The following AFAP1 variants were observed in gnomAD, a reference collection of about 807,000 sequenced individuals.
The protein encoded by AFAP1 is actin filament-associated protein 1.
In AFAP1, 75 loss-of-function variants were observed where a neutral mutation model predicts 93.9. That is an observed-to-expected ratio of 0.80 (90% CI 0.66 to 0.97). The LOEUF is 0.97. Among genes scored for constraint, AFAP1 ranks in the 50% least tolerant of loss-of-function variants. The pLI is 0.00. For synonymous variants in AFAP1, 517 were observed against 430.7 expected (o/e 1.20, Z -2.48); for missense variants, 1,201 against 1,050.8 (o/e 1.14, Z -1.98).
chr4:7,774,788 C>T lies in AFAP1; in HGVS notation c.2013G>A (p.Gln671=), dbSNP rs373406933. The part of the protein sequence containing the change: ...RKEALRNRLA[Q]LRKERKDLRA... ...GAAGGTCTTTTCTTTCCTTGCGGAGCTGGGCCAGCCTATTCCGCAGGGCCT... is the reference window on the plus strand; with the variant it reads ...GAAGGTCTTTTCTTTCCTTGCGGAGTTGGGCCAGCCTATTCCGCAGGGCCT... Residue 671 remains glutamine (Q), a synonymous_variant, in exon 15 of 18, where the codon CAG becomes CAA. Coordinates refer to ENST00000420658, the MANE Select transcript of AFAP1 (RefSeq NM_001134647.2). 1.3e-5 allele frequency: 21 copies of T among 1,614,244 alleles called. No individual in the cohort carries two copies. In the South Asian group the frequency reaches 2.2e-4, roughly 17 times the overall value.
chr4:7,771,719 G>A (rs1049291922), intron 16 of AFAP1, among the ~76,000 whole-genome samples: 4 of 152,184 alleles, frequency 2.6e-5, no homozygotes, highest in Non-Finnish European at 5.9e-5. Flanking sequence ...TTGAACACCT[G>A]AAAGAACCAT....
chr4:7,926,674 G>A (rs1266480455), intron 1 of AFAP1, among the ~76,000 whole-genome samples: 1 of 152,138 alleles, frequency 6.6e-6, no homozygotes, highest in Non-Finnish European at 1.5e-5. Flanking sequence ...AGTGGCCAAG[G>A]TCCTATGGCT....
At chr4:7,866,573 G>C (rs1716422329) in intron 3 of AFAP1, among the ~76,000 whole-genome samples, 1 of 152,124 alleles carries the variant, frequency 6.6e-6, no homozygotes, top group African/African-American at 2.4e-5. Flanking sequence ...TGAAATATAA[G>C]ACCCATCACA....
chr4:7,846,419 C>T (rs951886508), intron 4 of AFAP1, among the ~76,000 whole-genome samples: 4 of 152,176 alleles, frequency 2.6e-5, no homozygotes, highest in East Asian at 1.9e-4. Flanking sequence ...CCGCAGATCG[C>T]GTGCTGTGCT....
intron 6 of AFAP1, among the ~76,000 whole-genome samples, chr4:7,834,044 C>CCAA (rs1711959873): frequency 6.7e-6 from 1 of 150,350 alleles, no homozygotes; most frequent in Admixed American, 6.7e-5. Flanking sequence ...AAATGTGGAA[C>CCAA]CAACCCAAAT....
At chr4:7,823,907 C>T (rs1404698753) in intron 6 of AFAP1, among the ~76,000 whole-genome samples, 1 of 152,212 alleles carries the variant, frequency 6.6e-6, no homozygotes, top group Non-Finnish European at 1.5e-5. Flanking sequence ...GGACTCTCTT[C>T]CCCCAGGCAT....
In AFAP1 at chr4:7,793,838, G is replaced by A; in HGVS notation, c.1267-12C>T. On this transcript the variant is annotated splice_polypyrimidine_tract_variant and intron_variant, in intron 10 of 17. Transcript: ENST00000420658. ...TCAGAAGAAGATGCCTGTTGAAGTG[G>A]GAAAAAAGGTAGGCTGTATTTAACT... 2 of 1,511,244 alleles carry A rather than the reference G, an allele frequency of 1.3e-6. No homozygotes were observed. Among genetic ancestry groups the A allele is most frequent in the Non-Finnish European group, 1.8e-6 (2 of 1,114,866 alleles). 93.6% of individuals were successfully genotyped at this position (1,511,244 alleles called of 1,614,324 possible).
chr4:7,789,686 C>T (rs961492508), intron 11 of AFAP1, among the ~76,000 whole-genome samples: 1 of 150,118 alleles, frequency 6.7e-6, no homozygotes, highest in Non-Finnish European at 1.5e-5. Flanking sequence ...TTATCCTCAC[C>T]ACCCCATCCA....
chr4:7,839,207 G>A (rs1242783913), intron 5 of AFAP1, among the ~76,000 whole-genome samples: 1 of 151,832 alleles, frequency 6.6e-6, no homozygotes, highest in Non-Finnish European at 1.5e-5. Context: ...ATGGTGGCGT[G>A]TTCCTATAGT....
At chr4:7,823,197 C>T (rs1003964719) in intron 6 of AFAP1, among the ~76,000 whole-genome samples, 4 of 151,974 alleles carry the variant, frequency 2.6e-5, no homozygotes, top group Non-Finnish European at 5.9e-5. Flanking sequence ...GGGGCTGGGC[C>T]TTGCTTTTGT....
intron 1 of AFAP1, among the ~76,000 whole-genome samples, chr4:7,908,987 CAATTGA>C (rs5855993): frequency 0.84 from 128,013 of 151,738 alleles, 54,057 homozygotes; most frequent in East Asian, 0.88. Flanking sequence ...TGGCTACATT[CAATTGA>C]AATTCAAGGT....
chr4:7,922,702 G>A (rs1720504539), intron 1 of AFAP1, among the ~76,000 whole-genome samples: 1 of 152,158 alleles, frequency 6.6e-6, no homozygotes, highest in Non-Finnish European at 1.5e-5. Context: ...AAAATCACTG[G>A]GCCGGGTGCG....
At chr4:7,766,610 A>ATC (rs1419435907) in intron 17 of AFAP1, among the ~76,000 whole-genome samples, 1 of 133,608 alleles carries the variant, frequency 7.5e-6, no homozygotes, top group Non-Finnish European at 1.7e-5. Flanking sequence ...GGGAAACAGA[A>ATC]TCTCCAGGTG....
At chr4:7,908,302 G>C (rs1011506124) in intron 1 of AFAP1, among the ~76,000 whole-genome samples, 3 of 152,152 alleles carry the variant, frequency 2.0e-5, no homozygotes, top group Non-Finnish European at 2.9e-5. Context: ...GGGCACACAG[G>C]GTGCCCCTTT....
intron 14 of AFAP1, chr4:7,775,657 A>G (rs1055972734): frequency 5.3e-5 from 8 of 152,240 alleles, no homozygotes; most frequent in Non-Finnish European, 1.2e-4. Flanking sequence ...AGAGGCAACC[A>G]GGAGCGGTAT....
chr4:7,844,547 A>G (rs1713462922), intron 4 of AFAP1, among the ~76,000 whole-genome samples: 1 of 152,190 alleles, frequency 6.6e-6, no homozygotes. Context: ...GCACACCTCA[A>G]CACTGGCCCC....
intron 1 of AFAP1, among the ~76,000 whole-genome samples, chr4:7,892,189 A>G (rs1464691389): frequency 1.3e-5 from 2 of 152,202 alleles, no homozygotes; most frequent in Admixed American, 1.3e-4. Context: ...GGGATGGGCA[A>G]ATTTCAGTAG....
intron 1 of AFAP1, among the ~76,000 whole-genome samples, chr4:7,910,275 T>A (rs1719653697): frequency 6.6e-6 from 1 of 152,038 alleles, no homozygotes; most frequent in Admixed American, 6.6e-5. Flanking sequence ...CAGAGCCTGC[T>A]GGGAGTCAAA....
At position 7,848,328 on chromosome 4, in the gene AFAP1, G is replaced by C. The variant is rs529606150; in HGVS notation, c.335-4978C>G. Among the ~76,000 whole-genome samples the C allele has an allele frequency of 2.0e-4, 30 of 152,248 alleles. No homozygotes were observed. The East Asian group carries it at 5.8e-3, about 29-fold the overall frequency. On this transcript the variant is annotated intron_variant, in intron 4 of 17. Transcript: ENST00000420658. ...AGACTGAGAAATCTCACAAAAAGCTGTCTACCACCTGGAGACCCTGGGATG... is the reference window on the plus strand; with the variant it reads ...AGACTGAGAAATCTCACAAAAAGCTCTCTACCACCTGGAGACCCTGGGATG...
Sources: gnomAD v4.1 joint callset for allele counts (sites outside exome capture counted in the v4.1 genomes callset) on GRCh38, gnomAD v4.1.1 for gene constraint, MANE v1.5 for transcripts, NCBI Gene and HGNC (gene_info 2026-07-23, HGNC 2026-07-21) for gene names.